The following ZMAT4 variants were observed in gnomAD, a reference collection of about 807,000 sequenced individuals.
ZMAT4 encodes the protein zinc finger matrin-type protein 4.
ZMAT4 carries 17 observed loss-of-function variants against 28.7 expected under a neutral mutation model. The ratio of observed to expected loss-of-function variants is 0.59; its 90% CI spans 0.41 to 0.89. ZMAT4 has a LOEUF of 0.89. Ranked by LOEUF, ZMAT4 falls within the 40% of genes least tolerant of loss-of-function variation. The pLI, the probability that ZMAT4 is intolerant of heterozygous loss-of-function variation, is 0.00. For missense variants in ZMAT4, 240 were observed against 283.8 expected (o/e 0.85, Z 1.11); for synonymous variants, 117 against 109.2 (o/e 1.07, Z -0.44).
intron 1 of ZMAT4, among the ~76,000 whole-genome samples, chr8:40,879,801 A>G (rs1435824450): frequency 6.6e-6 from 1 of 152,244 alleles, no homozygotes; most frequent in African/African-American, 2.4e-5. Context: ...ACATAGACAT[A>G]TTCCATTAGC....
At chr8:40,543,407 A>G (rs1286672271) in intron 6 of ZMAT4, among the ~76,000 whole-genome samples, 1 of 152,218 alleles carries the variant, frequency 6.6e-6, no homozygotes, top group Non-Finnish European at 1.5e-5. Flanking sequence ...CTGTAGTCAA[A>G]CTCAATGTTG....
chr8:40,583,007 C>T (rs1804544962), intron 5 of ZMAT4, among the ~76,000 whole-genome samples: 1 of 152,062 alleles, frequency 6.6e-6, no homozygotes, highest in Non-Finnish European at 1.5e-5. Context: ...GACCACTCAC[C>T]ACCAGTACGA....
chr8:40,878,884 G>T (rs1818129908), intron 1 of ZMAT4, among the ~76,000 whole-genome samples: 1 of 152,198 alleles, frequency 6.6e-6, no homozygotes, highest in Non-Finnish European at 1.5e-5. Context: ...CATTGAGTGG[G>T]CAGGGCTGCT....
intron 5 of ZMAT4, among the ~76,000 whole-genome samples, chr8:40,598,927 G>A (rs1001098159): frequency 7.9e-5 from 12 of 152,136 alleles, no homozygotes; most frequent in South Asian, 2.1e-4. Flanking sequence ...ACAATTTGGG[G>A]TGGTGGAGGA....
intron 1 of ZMAT4, among the ~76,000 whole-genome samples, chr8:40,861,431 G>A (rs1460648493): frequency 2.0e-5 from 3 of 152,188 alleles, no homozygotes; most frequent in Admixed American, 1.3e-4. Context: ...ATTCAAGATG[G>A]ATTAAAGACT....
intron 1 of ZMAT4, among the ~76,000 whole-genome samples, chr8:40,863,065 CTGGTGAAG>C (rs1376125979): frequency 6.6e-6 from 1 of 152,058 alleles, no homozygotes; most frequent in Non-Finnish European, 1.5e-5. Context: ...AAAATCCATT[CTGGTGAAG>C]CAGAGGTCAT....
At chr8:40,550,710 G>T (rs899496752) in intron 6 of ZMAT4, among the ~76,000 whole-genome samples, 1 of 152,118 alleles carries the variant, frequency 6.6e-6, no homozygotes, top group Non-Finnish European at 1.5e-5. Flanking sequence ...CTGTGAGGAA[G>T]GTGCCTGCTT....
chr8:40,834,738 A>C (rs114044710), intron 1 of ZMAT4, among the ~76,000 whole-genome samples: 1 of 152,160 alleles, frequency 6.6e-6, no homozygotes, highest in African/African-American at 2.4e-5. Flanking sequence ...TGGCAGGCCC[A>C]CGTGTCATCC....
intron 3 of ZMAT4, among the ~76,000 whole-genome samples, chr8:40,738,822 A>T (rs934208658): frequency 2.0e-5 from 3 of 152,070 alleles, no homozygotes; most frequent in Non-Finnish European, 4.4e-5. Context: ...AACAGACTTT[A>T]AAAAAATGGC....
At chr8:40,746,694 G>C (rs143402602) in intron 3 of ZMAT4, among the ~76,000 whole-genome samples, 178 of 152,142 alleles carry the variant, frequency 1.2e-3, no homozygotes, top group Non-Finnish European at 2.0e-3. Context: ...TTTTAGAAGT[G>C]TCATGTTTGG....
intron 2 of ZMAT4, among the ~76,000 whole-genome samples, chr8:40,819,291 G>A (rs934582720): frequency 1.3e-5 from 2 of 152,072 alleles, no homozygotes; most frequent in Non-Finnish European, 2.9e-5. Flanking sequence ...TTTCCCACTG[G>A]CTTGAAGAAA....
intron 2 of ZMAT4, among the ~76,000 whole-genome samples, chr8:40,790,955 A>G (rs1465628148): frequency 6.6e-6 from 1 of 152,242 alleles, no homozygotes; most frequent in Non-Finnish European, 1.5e-5. Context: ...ATGAAAACAG[A>G]ACACAGTGGC....
At position 40,852,743 on chromosome 8, in the gene ZMAT4, C is replaced by T. The variant is rs546104110; in HGVS notation, c.-4-27063G>A. Among the ~76,000 whole-genome samples the T allele has an allele frequency of 6.6e-5, 10 of 152,288 alleles. No individual in the cohort carries two copies. In the East Asian group the frequency reaches 1.3e-3, roughly 21 times the overall value. ...TTACCCACCCATGATTTTGTAACAT[C>T]ATGCATTGGTAAAACTGTTCAGAGT... is the stretch of plus-strand genomic sequence containing the variant. On this transcript the variant is annotated intron_variant, in intron 1 of 6. Transcript: ENST00000297737.
intron 5 of ZMAT4, among the ~76,000 whole-genome samples, chr8:40,650,764 G>A (rs1438799999): frequency 6.9e-6 from 1 of 144,998 alleles, no homozygotes; most frequent in Non-Finnish European, 1.5e-5. Context: ...ATGCAAGGCT[G>A]GTTCAATATA....
At position 40,783,858 on chromosome 8, in the gene ZMAT4, A is replaced by G. The variant is rs571879523; in HGVS notation, c.103-16128T>C. Among the ~76,000 whole-genome samples the G allele has an allele frequency of 3.3e-5, 5 of 152,274 alleles. No individual in the cohort carries two copies. The South Asian group carries it at 1.0e-3, about 32-fold the overall frequency. On this transcript the variant is annotated intron_variant, in intron 2 of 6. Transcript: ENST00000297737. ...AAACCCTGTCTCTACTAAAAATAAAAAAATTAGCTGGGCGTGGTGGCAGGT... is the reference window on the plus strand; with the variant it reads ...AAACCCTGTCTCTACTAAAAATAAAGAAATTAGCTGGGCGTGGTGGCAGGT...
At chr8:40,635,630 C>T (rs1275198938) in intron 5 of ZMAT4, among the ~76,000 whole-genome samples, 1 of 152,146 alleles carries the variant, frequency 6.6e-6, no homozygotes, top group Non-Finnish European at 1.5e-5. Context: ...GGCGTGGTGG[C>T]AATGTCTCAG....
At chr8:40,755,156 T>C (rs964970743) in intron 3 of ZMAT4, among the ~76,000 whole-genome samples, 6 of 152,112 alleles carry the variant, frequency 3.9e-5, no homozygotes, top group African/African-American at 1.4e-4. Flanking sequence ...ATAGCAACAA[T>C]GCAAATGGAA....
intron 6 of ZMAT4, among the ~76,000 whole-genome samples, chr8:40,555,465 T>C (rs1803504724): frequency 6.6e-6 from 1 of 152,190 alleles, no homozygotes; most frequent in Non-Finnish European, 1.5e-5. Flanking sequence ...TAACATTTAG[T>C]AAAAGCTGGC....
chr8:40,881,439 GAAAGAAAGAA>G (rs1563263295), intron 1 of ZMAT4, among the ~76,000 whole-genome samples: 905 of 79,566 alleles, frequency 0.011, 27 homozygotes, highest in African/African-American at 0.035. Context: ...AAGAGAGAAA[GAAAGAAAGAA>G]AGAAAGAAAG....
Sources: gnomAD v4.1 joint callset for allele counts (sites outside exome capture counted in the v4.1 genomes callset) on GRCh38, gnomAD v4.1.1 for gene constraint, MANE v1.5 for transcripts, NCBI Gene and HGNC (gene_info 2026-07-23, HGNC 2026-07-21) for gene names.